Variants in COP1 observed in about 807,000 individuals in gnomAD.
COP1 encodes the protein COP1 E3 ubiquitin ligase.
COP1 carries 24 observed loss-of-function variants against 101.3 expected under a neutral mutation model. That is an observed-to-expected ratio of 0.24 (90% CI 0.17 to 0.33). COP1 has a LOEUF of 0.33. Among genes scored for constraint, COP1 ranks in the 10% least tolerant of loss-of-function variants. The probability of loss-of-function intolerance (pLI) is 1.00; values close to 1 mark genes in which losing one functional copy is unlikely to be tolerated. For missense variants in COP1, 663 were observed against 906.2 expected (o/e 0.73, Z 3.45); for synonymous variants, 347 against 341.9 (o/e 1.01, Z -0.17).
intron 11 of COP1, among the ~76,000 whole-genome samples, chr1:176,057,445 C>T (rs1030210267): frequency 1.3e-5 from 2 of 152,216 alleles, no homozygotes; most frequent in African/African-American, 2.4e-5. Flanking sequence ...CCTGATTCTC[C>T]TGCCTCAGCC....
intron 2 of COP1, among the ~76,000 whole-genome samples, chr1:176,183,056 C>T (rs1355502847): frequency 6.6e-6 from 1 of 152,142 alleles, no homozygotes. Context: ...TTGCTGTTAT[C>T]ATTTTAATAC....
At chr1:176,079,017 G>A (rs1398969839) in intron 11 of COP1, among the ~76,000 whole-genome samples, 4 of 152,130 alleles carry the variant, frequency 2.6e-5, no homozygotes, top group African/African-American at 9.7e-5. Flanking sequence ...GAAGAAAAGG[G>A]AATGCTTACA....
chr1:176,006,698 G>C (rs1206430979), intron 15 of COP1, among the ~76,000 whole-genome samples: 1 of 152,172 alleles, frequency 6.6e-6, no homozygotes, highest in Admixed American at 6.5e-5. Flanking sequence ...CTGGCTTGTA[G>C]GGTTTCTGCC....
intron 15 of COP1, among the ~76,000 whole-genome samples, chr1:176,009,877 T>TGG (rs5778885): frequency 0.021 from 2,207 of 103,252 alleles, 44 homozygotes; most frequent in Non-Finnish European, 0.025. Flanking sequence ...TTAGGTTACT[T>TGG]GGGGGGGGGG....
chr1:176,174,314 C>T (rs760445124), intron 3 of COP1, among the ~76,000 whole-genome samples: 45 of 152,132 alleles, frequency 3.0e-4, no homozygotes, highest in Non-Finnish European at 4.4e-4. Flanking sequence ...TCCAAATTTA[C>T]AAGCACAGGG....
chr1:176,086,890 G>A (rs1680281578), intron 9 of COP1, among the ~76,000 whole-genome samples: 1 of 152,126 alleles, frequency 6.6e-6, no homozygotes, highest in African/African-American at 2.4e-5. Context: ...AAAACAGCAT[G>A]GTACTGGTAC....
At chr1:176,090,158 T>C (rs1263529591) in intron 9 of COP1, among the ~76,000 whole-genome samples, 2 of 152,172 alleles carry the variant, frequency 1.3e-5, no homozygotes, top group African/African-American at 2.4e-5. Context: ...CAAGAGTCAA[T>C]CTAAAAATCT....
rs112680443 is a variant in COP1, at chr1:176,094,947, C to T, written c.1027-9057G>A. The stretch of plus-strand genomic sequence containing the variant: ...GAGATCTTCAAAAGACTAATGAAAT[C>T]AATGCTTGTATAATAAAATAAGTAA... On this transcript the variant is annotated intron_variant, in intron 9 of 19. Coordinates refer to ENST00000367669, the MANE Select transcript of COP1 (RefSeq NM_022457.7). Among the ~76,000 whole-genome samples the T allele has an allele frequency of 9.2e-3, 1,398 of 152,172 alleles. 24 individuals carry two copies. The highest frequency in any genetic ancestry group is 0.031 in the African/African-American group (1,305 of 41,512).
chr1:176,165,538 T>C (rs1461210905), intron 3 of COP1, among the ~76,000 whole-genome samples: 4 of 151,802 alleles, frequency 2.6e-5, no homozygotes, highest in African/African-American at 4.8e-5. Flanking sequence ...CTACTAAAAA[T>C]AGAAAAATTA....
Position 176,054,722 on chromosome 1 carries a change from T to A in COP1, c.1278-8398A>T, listed in dbSNP as rs74127169. Among the ~76,000 whole-genome samples, 478 of 152,288 alleles carry A rather than the reference T, an allele frequency of 3.1e-3. 1 individual carries two copies. Among genetic ancestry groups the A allele is most frequent in the African/African-American group, 0.011 (459 of 41,556 alleles). ...CCCTCCTCTCTCCTGTATCAATCAA[T>A]TTTTCCATCTATCCTGGATCTTTTC... On this transcript the variant is annotated intron_variant, in intron 11 of 19. Coordinates refer to ENST00000367669, the MANE Select transcript of COP1 (RefSeq NM_022457.7).
At chr1:175,947,670 G>A (rs1230248464) in intron 18 of COP1, among the ~76,000 whole-genome samples, 2 of 151,944 alleles carry the variant, frequency 1.3e-5, no homozygotes, top group Non-Finnish European at 2.9e-5. Context: ...GTGCCCAGTC[G>A]AAGAGACAAT....
intron 6 of COP1, among the ~76,000 whole-genome samples, chr1:176,144,943 G>T (rs1251411774): frequency 6.6e-6 from 1 of 152,096 alleles, no homozygotes. Context: ...ATGTCTTCAT[G>T]ACCACAGGTG....
intron 15 of COP1, among the ~76,000 whole-genome samples, chr1:176,001,291 C>A (rs1208491837): frequency 6.6e-6 from 1 of 152,072 alleles, no homozygotes; most frequent in East Asian, 1.9e-4. Flanking sequence ...ATCGAATGAA[C>A]CTCTAGGCAT....
At chr1:176,124,233 C>T (rs1286008857) in intron 8 of COP1, among the ~76,000 whole-genome samples, 1 of 151,986 alleles carries the variant, frequency 6.6e-6, no homozygotes, top group Non-Finnish European at 1.5e-5. Flanking sequence ...GGTATCCATC[C>T]CCTCAAGCAT....
At chr1:176,113,197 C>T (rs1685587512) in intron 9 of COP1, among the ~76,000 whole-genome samples, 1 of 152,138 alleles carries the variant, frequency 6.6e-6, no homozygotes, top group African/African-American at 2.4e-5. Context: ...TTCTCCACGT[C>T]CTTTCTAACA....
At chr1:176,089,313 A>ACAACAACAC (rs1680855157) in intron 9 of COP1, among the ~76,000 whole-genome samples, 1 of 151,540 alleles carries the variant, frequency 6.6e-6, no homozygotes. Context: ...AACAACAACA[A>ACAACAACAC]CAACAACAAC....
At chr1:176,109,804 A>C (rs1684966952) in intron 9 of COP1, among the ~76,000 whole-genome samples, 1 of 152,162 alleles carries the variant, frequency 6.6e-6, no homozygotes, top group African/African-American at 2.4e-5. Context: ...TCATGATAAT[A>C]GCTAATTTCA....
At chr1:176,150,060 G>A (rs1204015302) in intron 5 of COP1, among the ~76,000 whole-genome samples, 1 of 152,152 alleles carries the variant, frequency 6.6e-6, no homozygotes, top group African/African-American at 2.4e-5. Context: ...TTCTGATCCT[G>A]TTGCTCTAGA....
intron 9 of COP1, among the ~76,000 whole-genome samples, chr1:176,114,251 T>C (rs1420393945): frequency 6.6e-6 from 1 of 152,116 alleles, no homozygotes; most frequent in Admixed American, 6.5e-5. Flanking sequence ...GAATCTGGTA[T>C]TTTCATGACC....
Sources: allele counts gnomAD v4.1 joint callset (sites outside exome capture counted in the v4.1 genomes callset), GRCh38; gene constraint gnomAD v4.1.1; transcripts MANE v1.5; gene names NCBI Gene and HGNC (gene_info 2026-07-23, HGNC 2026-07-21).